EMSY: variants seen among roughly 807,000 people sequenced by gnomAD.
EMSY encodes EMSY transcriptional repressor, BRCA2 interacting.
In EMSY, 26 loss-of-function variants were observed where a neutral mutation model predicts 134.6. The observed-to-expected ratio is 0.19, with a 90% CI of 0.14 to 0.27. EMSY has a LOEUF of 0.27. EMSY is among the 10% of genes least tolerant of loss of function. The pLI, the probability that EMSY is intolerant of heterozygous loss-of-function variation, is 1.00. For missense variants in EMSY, 1,305 were observed against 1,611.4 expected (o/e 0.81, Z 3.26); for synonymous variants, 579 against 577.8 (o/e 1.00, Z -0.03).
chr11:76,524,982 A>G (rs1438274694), intron 12 of EMSY, among the ~76,000 whole-genome samples: 1 of 152,032 alleles, frequency 6.6e-6, no homozygotes, highest in African/African-American at 2.4e-5. Context: ...TTGCCACTGT[A>G]CTCCAGCCTG....
At chr11:76,453,445 G>T in intron 4 of EMSY, 57 bp downstream of exon 4, 1 of 1,484,766 alleles carries the variant, frequency 6.7e-7, no homozygotes, top group South Asian at 1.2e-5. Context: ...ACACAGTTTT[G>T]AAACAGTCTT....
At chr11:76,460,040 T>C (rs1456534094) in exon 6 of EMSY, 1 of 1,614,180 alleles carries the variant, frequency 6.2e-7, no homozygotes, top group Admixed American at 1.7e-5. Flanking sequence ...CAGTCCTGCC[T>C]CCAATGTAGT....
chr11:76,521,001 G>A (rs1391691686), intron 11 of EMSY, among the ~76,000 whole-genome samples: 1 of 152,138 alleles, frequency 6.6e-6, no homozygotes, highest in Non-Finnish European at 1.5e-5. Flanking sequence ...AGGAGCAAAA[G>A]TAGCATTGGA....
intron 14 of EMSY, among the ~76,000 whole-genome samples, chr11:76,530,735 C>A (rs1298883641): frequency 6.6e-6 from 1 of 152,094 alleles, no homozygotes; most frequent in Non-Finnish European, 1.5e-5. Flanking sequence ...TACATTCTTA[C>A]AAAGACTAGG....
intron 11 of EMSY, among the ~76,000 whole-genome samples, chr11:76,517,224 C>A (rs970827356): frequency 1.3e-5 from 2 of 151,806 alleles, no homozygotes; most frequent in African/African-American, 4.8e-5. Flanking sequence ...AAAAAAAAAG[C>A]AAAGCAGAGC....
At chr11:76,526,289 A>G (rs558248313) in intron 12 of EMSY, among the ~76,000 whole-genome samples, 173 bp from the exon 14 acceptor site, 17 of 152,190 alleles carry the variant, frequency 1.1e-4, no homozygotes, top group Non-Finnish European at 2.2e-4. Context: ...ATGACTTTCT[A>G]TATCATTTCA....
At chr11:76,506,529 A>T (rs1950083184) in intron 9 of EMSY, among the ~76,000 whole-genome samples, 1 of 152,234 alleles carries the variant, frequency 6.6e-6, no homozygotes, top group South Asian at 2.1e-4. Context: ...CCAGAAATTG[A>T]TCCAACAGGA....
chr11:76,459,840 A>T (rs1948034439), intron 5 of EMSY, 93 bp from the exon 7 acceptor site: 9 of 1,436,438 alleles, frequency 6.3e-6, no homozygotes, highest in Non-Finnish European at 8.7e-6. Context: ...TCACATGAAA[A>T]TGTTAAAATT....
rs745788045 is a variant in EMSY, at chr11:76,513,377, C to T, written c.1364-9C>T. On this transcript the variant is annotated splice_polypyrimidine_tract_variant and intron_variant, in intron 9 of 20. Transcript: ENST00000334736. ...ATTTGTGCTGAGATTTATCTTTCTT[C>T]TTTCAAAGGTGTTAAAATCATCACA... 4 of 1,611,818 alleles carry T rather than the reference C, an allele frequency of 2.5e-6. No homozygotes were observed. The highest frequency in any genetic ancestry group is 2.5e-6 in the Non-Finnish European group (3 of 1,178,978).
intron 8 of EMSY, among the ~76,000 whole-genome samples, chr11:76,481,724 T>A (rs1034427298): frequency 6.6e-6 from 1 of 152,184 alleles, no homozygotes; most frequent in Non-Finnish European, 1.5e-5. Context: ...AGGGCATCTC[T>A]GAAAGAAAGG....
At chr11:76,451,458 A>C (rs1590769761) in intron 2 of EMSY, among the ~76,000 whole-genome samples, 2 of 152,340 alleles carry the variant, frequency 1.3e-5, no homozygotes, top group African/African-American at 2.4e-5. Context: ...TTGAATTCTT[A>C]GGCAAGCCTA....
At chr11:76,458,481 G>T (rs1947967925) in intron 5 of EMSY, 123 bp downstream of exon 6, 1 of 997,608 alleles carries the variant, frequency 1.0e-6, no homozygotes, top group African/African-American at 1.7e-5. Context: ...ATGAAACATA[G>T]TAGGAAACTC....
intron 11 of EMSY, among the ~76,000 whole-genome samples, chr11:76,519,814 T>C (rs1950581718): frequency 6.6e-6 from 1 of 152,216 alleles, no homozygotes; most frequent in Non-Finnish European, 1.5e-5. Flanking sequence ...CATAGTTCAT[T>C]ATTATCTAAA....
At chr11:76,516,428 C>A (rs2136173326) in intron 11 of EMSY, 116 bp downstream of exon 12, 1 of 749,868 alleles carries the variant, frequency 1.3e-6, no homozygotes, top group Non-Finnish European at 2.0e-6. Context: ...AAATCTAAAG[C>A]TTTGTTTTAG....
intron 14 of EMSY, among the ~76,000 whole-genome samples, chr11:76,530,315 A>G (rs1950991699): frequency 1.3e-5 from 2 of 151,852 alleles, no homozygotes; most frequent in African/African-American, 2.4e-5. Flanking sequence ...ACGCACCACC[A>G]TGCCCAGCTG....
chr11:76,448,028 A>G (rs1464718114), intron 2 of EMSY, among the ~76,000 whole-genome samples: 1 of 152,230 alleles, frequency 6.6e-6, no homozygotes, highest in Non-Finnish European at 1.5e-5. Context: ...GTGACCAAGG[A>G]CAAGTTATTT....
intron 8 of EMSY, among the ~76,000 whole-genome samples, chr11:76,490,751 C>G (rs1245669045): frequency 6.6e-6 from 1 of 152,074 alleles, no homozygotes; most frequent in African/African-American, 2.4e-5. Context: ...TTTTCCTATT[C>G]CAGCCTTGGA....
intron 8 of EMSY, among the ~76,000 whole-genome samples, chr11:76,478,807 T>C (rs1243013007): frequency 2.0e-5 from 3 of 150,028 alleles, no homozygotes; most frequent in Admixed American, 6.6e-5. Flanking sequence ...AAATTTATTA[T>C]AATATATAAT....
At chr11:76,542,111 C>CT in intron 17 of EMSY, 105 bp from the exon 19 acceptor site, 1 of 1,440,654 alleles carries the variant, frequency 6.9e-7, no homozygotes, top group Non-Finnish European at 9.7e-7. Context: ...CAATACTACA[C>CT]TTTCTTTCTG....
Sources: allele counts gnomAD v4.1 joint callset (sites outside exome capture counted in the v4.1 genomes callset), GRCh38; gene constraint gnomAD v4.1.1; transcripts MANE v1.5; gene names NCBI Gene and HGNC (gene_info 2026-07-23, HGNC 2026-07-21).